Variants in CNDP1 observed in about 807,000 individuals in gnomAD.
CNDP1 encodes the protein carnosine dipeptidase 1.
In CNDP1, 44 loss-of-function variants were observed where a neutral mutation model predicts 58.1. The observed-to-expected ratio is 0.76, with a 90% confidence interval of 0.60 to 0.97. The LOEUF (loss-of-function observed/expected upper bound fraction) is 0.97. Among genes scored for constraint, CNDP1 ranks in the 50% least tolerant of loss-of-function variants. The pLI is 0.00. For missense variants in CNDP1, 616 were observed against 655.1 expected (o/e 0.94, Z 0.65); for synonymous variants, 254 against 252.6 (o/e 1.01, Z -0.05).
chr18:74,552,810 G>A (rs975147648), intron 1 of CNDP1, among the ~76,000 whole-genome samples: 2 of 152,100 alleles, frequency 1.3e-5, no homozygotes, highest in African/African-American at 4.8e-5. Flanking sequence ...GAATAGAATT[G>A]CTGGGTCATA....
At position 74,545,176 on chromosome 18, in the gene CNDP1, G is replaced by A. The variant is rs1190448644; in HGVS notation, c.24+10485G>A. On this transcript the variant is annotated intron_variant, in intron 1 of 11. Transcript: ENST00000358821. The surrounding 1 kb of genome is among the most constrained non-coding windows in gnomAD (Gnocchi z 4.1). ...TTTGGCCCCCGGTTTGGGATGCTTT[G>A]TTCCAGCAGCCTGAGGAAGCTAGTG... Among the ~76,000 whole-genome samples the A allele has an allele frequency of 3.3e-5, 5 of 152,192 alleles. No individual in the cohort carries two copies. The highest frequency in any genetic ancestry group is 7.3e-5 in the Non-Finnish European group (5 of 68,046).
chr18:74,579,874 AGAGGATAGAGGG>A (rs1270165727), intron 9 of CNDP1, among the ~76,000 whole-genome samples: 1 of 152,154 alleles, frequency 6.6e-6, no homozygotes, highest in Non-Finnish European at 1.5e-5. Flanking sequence ...AATGCAGGGT[AGAGGATAGAGGG>A]GAATCTCCCT....
chr18:74,581,515 A>C (rs1394771910), intron 10 of CNDP1, among the ~76,000 whole-genome samples: 1 of 152,032 alleles, frequency 6.6e-6, no homozygotes, highest in Non-Finnish European at 1.5e-5. Context: ...ACAATTGCAA[A>C]ACACATGAGA....
chr18:74,568,981 G>A (rs576460004), intron 6 of CNDP1, among the ~76,000 whole-genome samples: 5 of 152,252 alleles, frequency 3.3e-5, no homozygotes, highest in Admixed American at 6.5e-5. Flanking sequence ...GGTGATCAAC[G>A]GTGGTATTCA....
intron 7 of CNDP1, among the ~76,000 whole-genome samples, chr18:74,572,805 A>AG (rs1981515808): frequency 7.1e-6 from 1 of 140,810 alleles, no homozygotes; most frequent in Admixed American, 7.2e-5. Context: ...AAAAAAAAAA[A>AG]AAAAAAGAAA....
At chr18:74,572,802 AAAAAAAAAAG>A (rs1981515317) in intron 7 of CNDP1, among the ~76,000 whole-genome samples, 3 of 142,674 alleles carry the variant, frequency 2.1e-5, no homozygotes, top group African/African-American at 8.2e-5. Context: ...AAAAAAAAAA[AAAAAAAAAAG>A]AAAGAAAGAA....
chr18:74,567,106 C>G, intron 5 of CNDP1, 127 bp from the exon 6 acceptor site: 1 of 716,796 alleles, frequency 1.4e-6, no homozygotes, highest in Admixed American at 2.2e-5. Context: ...GATTCAATTA[C>G]CTCCCCCTGG....
chr18:74,537,327 G>A (rs1157437520), intron 1 of CNDP1, among the ~76,000 whole-genome samples: 1 of 152,140 alleles, frequency 6.6e-6, no homozygotes, highest in African/African-American at 2.4e-5. Flanking sequence ...TGTAAGGAAG[G>A]GGTCCAGTTT....
At chr18:74,542,271 CATT>C (rs899701876) in intron 1 of CNDP1, among the ~76,000 whole-genome samples, 5 of 152,190 alleles carry the variant, frequency 3.3e-5, no homozygotes, top group African/African-American at 1.2e-4. Context: ...ATTTATTAGT[CATT>C]ATTAGCCAAT....
chr18:74,584,305 C>T, intron 11 of CNDP1, 191 bp from the exon 12 acceptor site: 1 of 574,734 alleles, frequency 1.7e-6, no homozygotes, highest in Admixed American at 3.0e-5. Flanking sequence ...TTCTCATCTT[C>T]TTAATAATAA....
intron 1 of CNDP1, among the ~76,000 whole-genome samples, chr18:74,535,579 A>G (rs201776729): frequency 1.7e-4 from 1 of 5,936 alleles, no homozygotes; most frequent in Non-Finnish European, 5.6e-4. Context: ...TCCATTGCTG[A>G]CTTTTTTTTT....
intron 1 of CNDP1, among the ~76,000 whole-genome samples, chr18:74,548,286 C>T (rs755293315): frequency 1.3e-5 from 2 of 152,082 alleles, no homozygotes; most frequent in African/African-American, 2.4e-5. Flanking sequence ...GTGGGTCCCT[C>T]CTGGCTTGGT....
chr18:74,550,456 G>T (rs941128642), intron 1 of CNDP1, among the ~76,000 whole-genome samples: 22 of 152,124 alleles, frequency 1.4e-4, no homozygotes, highest in Non-Finnish European at 4.4e-5. Flanking sequence ...TAAATAACTT[G>T]TTTTGATTTT....
chr18:74,566,641 C>T (rs914929356), intron 5 of CNDP1, among the ~76,000 whole-genome samples: 2 of 152,266 alleles, frequency 1.3e-5, no homozygotes, highest in African/African-American at 2.4e-5. Context: ...GAGGCCACCT[C>T]AGCCTGGATT....
chr18:74,551,638 C>T (rs1030224568), intron 1 of CNDP1, among the ~76,000 whole-genome samples: 4 of 152,164 alleles, frequency 2.6e-5, no homozygotes, highest in African/African-American at 9.7e-5. Context: ...ACTGTCAGGT[C>T]AGGGCATCAG....
At position 74,535,151 on chromosome 18, in the gene CNDP1, G is replaced by A. The variant is rs182456858; in HGVS notation, c.24+460G>A. Among the ~76,000 whole-genome samples the A allele has an allele frequency of 9.4e-4, 143 of 152,290 alleles. 1 individual carries two copies. In the East Asian group the frequency reaches 0.022, roughly 23 times the overall value. On this transcript the variant is annotated intron_variant, in intron 1 of 11. Coordinates refer to ENST00000358821, the MANE Select transcript of CNDP1 (RefSeq NM_032649.6). ...TAAATCACCCCAGGCCTTTCTCGGC[G>A]AGGTTTCCATGGTTCAGGTGCAAAC...
At chr18:74,556,896 CTTCA>C (rs897673195) in intron 2 of CNDP1, among the ~76,000 whole-genome samples, 26 of 152,304 alleles carry the variant, frequency 1.7e-4, no homozygotes, top group African/African-American at 6.0e-4. Context: ...ACTTTATCTC[CTTCA>C]TTCATTCATT....
intron 1 of CNDP1, among the ~76,000 whole-genome samples, chr18:74,551,660 A>G (rs764353538): frequency 1.3e-5 from 2 of 152,170 alleles, no homozygotes; most frequent in Admixed American, 6.5e-5. Flanking sequence ...TCAGTCTTTT[A>G]TTCGAGACCA....
At chr18:74,549,808 A>G (rs1252847781) in intron 1 of CNDP1, among the ~76,000 whole-genome samples, 1 of 152,226 alleles carries the variant, frequency 6.6e-6, no homozygotes, top group African/African-American at 2.4e-5. Context: ...GACCTGGGAC[A>G]GCACTGCTCT....
Sources: gnomAD v4.1 joint callset for allele counts (sites outside exome capture counted in the v4.1 genomes callset) on GRCh38, gnomAD v4.1.1 for gene constraint, Gnocchi (gnomAD v3.1) non-coding constraint, MANE v1.5 for transcripts, NCBI Gene and HGNC (gene_info 2026-07-23, HGNC 2026-07-21) for gene names.